The following IFT80 variants were observed in gnomAD, a reference collection of about 807,000 sequenced individuals.
IFT80 encodes intraflagellar transport protein 80 homolog.
Under a neutral mutation model 107.9 loss-of-function variants are expected in IFT80, and 79 were observed. The ratio of observed to expected loss-of-function variants is 0.73; its 90% CI spans 0.61 to 0.88. The LOEUF is 0.88. IFT80 is among the 40% of genes least tolerant of loss of function. IFT80 has a pLI of 0.00. For synonymous variants in IFT80, 299 were observed against 300.9 expected, an observed-to-expected ratio of 0.99 and a Z score of 0.07; for missense variants, 797 against 914.2, an observed-to-expected ratio of 0.87 and a Z score of 1.65.
intron 3 of IFT80, among the ~76,000 whole-genome samples, chr3:160,379,165 T>C (rs930506306): frequency 2.0e-5 from 3 of 152,124 alleles, no homozygotes; most frequent in African/African-American, 7.2e-5. Flanking sequence ...GCTAAGGACA[T>C]ATAAATTGAA....
chr3:160,331,152 T>G (rs1269986588), intron 8 of IFT80, among the ~76,000 whole-genome samples: 1 of 152,196 alleles, frequency 6.6e-6, no homozygotes, highest in Non-Finnish European at 1.5e-5. Flanking sequence ...TCCCTACTTT[T>G]GTGCTTTGGG....
At position 160,261,707 on chromosome 3, in the gene IFT80, G is replaced by A. The variant is rs1712848372; in HGVS notation, c.2224-3072C>T. ...TCCCATCTACTTAGAGGGCTCAGGT[G>A]AAAGGATCGCTTGAGTCTGGCTATG... On this transcript the variant is annotated intron_variant, in intron 19 of 19. Coordinates refer to ENST00000326448, the MANE Select transcript of IFT80 (RefSeq NM_020800.3). Among the ~76,000 whole-genome samples, 3 of 149,692 alleles carry A rather than the reference G, an allele frequency of 2.0e-5. No individual in the cohort carries two copies. The South Asian group carries it at 6.5e-4, about 32-fold the overall frequency.
At chr3:160,364,589 C>G (rs143464649) in intron 6 of IFT80, among the ~76,000 whole-genome samples, 2,251 of 152,256 alleles carry the variant, frequency 0.015, 30 homozygotes, top group Non-Finnish European at 0.023. Context: ...ATAGCAAAGA[C>G]TTGGAACCAA....
rs137853116 is a variant in IFT80, at chr3:160,268,535, C to G, written c.2101G>C (p.Ala701Pro). ...ININLYNWER[A>P]LELAVKYKTH... ...TTGTATTTTACAGCCAATTCCAGTG[C>G]CCTATAATGAGAAATAAAACAGATT... The change falls in exon 19 of 20, where the codon GCA becomes CCA. Residue 701 changes from alanine (A) to proline (P), a missense_variant and splice_region_variant. Ala to Pro is a conservative substitution (Grantham distance 27). Transcript: ENST00000326448. 2.2e-5 allele frequency: 36 copies of G among 1,612,852 alleles called. No individual in the cohort carries two copies. In the South Asian group the frequency reaches 3.6e-4, roughly 16 times the overall value.
In IFT80 at chr3:160,381,670, C is replaced by T. The variant is rs2108404468; in HGVS notation, c.92G>A (p.Cys31Tyr). 1.2e-6 allele frequency: 2 copies of T among 1,612,240 alleles called. No homozygotes were observed. The highest frequency in any genetic ancestry group is 1.7e-6 in the Non-Finnish European group (2 of 1,179,922). ...GWTTAEELYSCSDDHQIVKWN... is the reference protein window; with the variant it reads ...GWTTAEELYSYSDDHQIVKWN... ...CTTCACTATCTGGTGATCATCACTACATGAATACAGCTCTTCAGCAGTAGT... is the reference window on the plus strand; with the variant it reads ...CTTCACTATCTGGTGATCATCACTATATGAATACAGCTCTTCAGCAGTAGT... The change falls in exon 3 of 20, where the codon TGT becomes TAT. Residue 31 changes from cysteine to tyrosine, a missense_variant. Coordinates refer to ENST00000326448, the MANE Select transcript of IFT80 (RefSeq NM_020800.3).
chr3:160,342,477 C>T (rs1719983381), intron 8 of IFT80, among the ~76,000 whole-genome samples: 1 of 152,090 alleles, frequency 6.6e-6, no homozygotes, highest in Admixed American at 6.5e-5. Context: ...TATTTCCCAA[C>T]AGGGAAATAA....
At chr3:160,387,740 CAGATATCAATT>C (rs1389029114) in intron 1 of IFT80, among the ~76,000 whole-genome samples, 2 of 151,996 alleles carry the variant, frequency 1.3e-5, no homozygotes, top group African/African-American at 2.4e-5. Flanking sequence ...GTTGGAGTTG[CAGATATCAATT>C]AGATATCAAT....
At chr3:160,300,041 T>A (rs1401481278) in intron 12 of IFT80, among the ~76,000 whole-genome samples, 2 of 152,276 alleles carry the variant, frequency 1.3e-5, no homozygotes, top group South Asian at 2.1e-4. Flanking sequence ...CATGGCCTTC[T>A]GGCAGTTCCT....
intron 8 of IFT80, among the ~76,000 whole-genome samples, chr3:160,350,285 G>A (rs1162274858): frequency 3.3e-5 from 5 of 151,720 alleles, no homozygotes; most frequent in Non-Finnish European, 7.4e-5. Flanking sequence ...GAGTGGTGGT[G>A]GACGCCTGTA....
chr3:160,290,437 AG>A (rs1432295060), intron 12 of IFT80, among the ~76,000 whole-genome samples: 1 of 151,698 alleles, frequency 6.6e-6, no homozygotes, highest in East Asian at 1.9e-4. Context: ...AAAAAAAAAA[AG>A]AAAAAAGAAA....
rs1409437820 is a variant in IFT80 at position 160,282,463 on chromosome 3, T to A, written c.1516+15A>T. 1 of 1,519,972 alleles carries A rather than the reference T, an allele frequency of 6.6e-7. No homozygotes were observed. The highest frequency in any genetic ancestry group is 1.4e-5 in the African/African-American group (1 of 72,344). 94.2% of individuals were successfully genotyped at this position (1,519,972 alleles called of 1,614,324 possible). A position where few individuals can be genotyped will look rare whatever the true frequency, so the allele number is the denominator to read the frequency against. ...GTTGACAATTAAAACTTAAAATGTA[T>A]TAAAATTATTTTACCAAGCTTGATA... On this transcript the variant is annotated intron_variant, in intron 14 of 19. Coordinates refer to ENST00000326448, the MANE Select transcript of IFT80 (RefSeq NM_020800.3).
intron 1 of IFT80, among the ~76,000 whole-genome samples, chr3:160,388,159 T>C (rs552968116): frequency 4.0e-5 from 6 of 151,302 alleles, no homozygotes; most frequent in Non-Finnish European, 8.8e-5. Context: ...CAAAGACATA[T>C]GCAGATGACC....
At chr3:160,396,768 T>C (rs1713809696) in intron 1 of IFT80, among the ~76,000 whole-genome samples, 1 of 152,218 alleles carries the variant, frequency 6.6e-6, no homozygotes, top group African/African-American at 2.4e-5. Flanking sequence ...GTTAATTTCA[T>C]GAGACATGTC....
At chr3:160,291,618 A>C (rs910054422) in intron 12 of IFT80, among the ~76,000 whole-genome samples, 1 of 152,230 alleles carries the variant, frequency 6.6e-6, no homozygotes, top group African/African-American at 2.4e-5. Flanking sequence ...GAAAACAAAT[A>C]AGCGTGGTGG....
At chr3:160,340,630 C>T (rs1248990181) in intron 8 of IFT80, among the ~76,000 whole-genome samples, 2 of 152,184 alleles carry the variant, frequency 1.3e-5, no homozygotes, top group Non-Finnish European at 2.9e-5. Context: ...CTTCCTTCAC[C>T]TTTAAAGCCA....
intron 18 of IFT80, among the ~76,000 whole-genome samples, chr3:160,273,766 T>C (rs1481483963): frequency 6.6e-6 from 1 of 152,102 alleles, no homozygotes; most frequent in Non-Finnish European, 1.5e-5. Flanking sequence ...CTTAAGTGTA[T>C]AGATAGTGTA....
intron 1 of IFT80, among the ~76,000 whole-genome samples, chr3:160,396,280 G>A (rs1576916475): frequency 6.6e-6 from 1 of 151,884 alleles, no homozygotes; most frequent in Non-Finnish European, 1.5e-5. Context: ...TCTGCACTGT[G>A]TCTATATCTA....
intron 8 of IFT80, among the ~76,000 whole-genome samples, chr3:160,328,874 AC>A (rs1423174234): frequency 2.6e-4 from 39 of 152,250 alleles, no homozygotes; most frequent in African/African-American, 7.7e-4. Context: ...TCCTTAGCAA[AC>A]AAACACAGGA....
chr3:160,350,042 A>G (rs1030657300), intron 8 of IFT80, among the ~76,000 whole-genome samples: 5 of 152,200 alleles, frequency 3.3e-5, no homozygotes, highest in Admixed American at 6.5e-5. Context: ...AACTGAGTGT[A>G]TAATTAATGT....
Sources: gnomAD v4.1 joint callset for allele counts (sites outside exome capture counted in the v4.1 genomes callset) on GRCh38, gnomAD v4.1.1 for gene constraint, MANE v1.5 for transcripts, NCBI Gene and HGNC (gene_info 2026-07-23, HGNC 2026-07-21) for gene names.